Variants in MPP7 observed in about 807,000 individuals in gnomAD.
The protein encoded by MPP7 is MAGUK p55 scaffold protein 7.
Under a neutral mutation model 76.5 loss-of-function variants are expected in MPP7, and 60 were observed. The observed-to-expected ratio is 0.78, with a 90% CI of 0.64 to 0.97. The LOEUF is 0.97. MPP7 is among the 50% of genes least tolerant of loss of function. MPP7 has a pLI of 0.00. For synonymous variants in MPP7, 237 were observed against 244.5 expected, an observed-to-expected ratio of 0.97 and a Z score of 0.29; for missense variants, 641 against 694.0, an observed-to-expected ratio of 0.92 and a Z score of 0.86.
intron 13 of MPP7, among the ~76,000 whole-genome samples, chr10:28,066,142 G>A (rs1851980292): frequency 6.6e-6 from 1 of 152,060 alleles, no homozygotes; most frequent in Admixed American, 6.6e-5. Flanking sequence ...TGAGGCAGGA[G>A]GATCATCTGA....
intron 6 of MPP7, among the ~76,000 whole-genome samples, chr10:28,130,965 T>G (rs1056342978): frequency 3.6e-4 from 55 of 152,282 alleles, no homozygotes; most frequent in Non-Finnish European, 5.9e-4. Context: ...AGCTAACAAA[T>G]AATTTTGGAA....
intron 3 of MPP7, among the ~76,000 whole-genome samples, chr10:28,193,159 G>C (rs534739280): frequency 6.6e-6 from 1 of 151,838 alleles, no homozygotes; most frequent in Admixed American, 6.6e-5. Context: ...GAATATCTAA[G>C]TGACCTTGAG....
rs188429401 is a variant in MPP7 at position 28,229,284 on chromosome 10, T to C, written c.37+9284A>G. ...AAAGAGAGACTCTGACAACTGACTT[T>C]TAAATAGCCACTTTGAATATATAAT... On this transcript the variant is annotated intron_variant, in intron 2 of 16. Transcript: ENST00000683449. 1.7e-3 allele frequency among the ~76,000 whole-genome samples: 261 copies of C among 152,332 alleles called. 1 individual carries two copies. Among genetic ancestry groups the C allele is most frequent in the Non-Finnish European group, 2.7e-3 (187 of 68,034 alleles).
chr10:28,069,574 A>G (rs909532920), intron 13 of MPP7, among the ~76,000 whole-genome samples, 198 bp downstream of exon 13: 5 of 151,454 alleles, frequency 3.3e-5, no homozygotes, highest in African/African-American at 1.2e-4. Flanking sequence ...ACTGCACTCC[A>G]GCCTGGCAAC....
intron 2 of MPP7, among the ~76,000 whole-genome samples, chr10:28,212,245 G>A (rs967035819): frequency 6.6e-6 from 1 of 152,226 alleles, no homozygotes; most frequent in African/African-American, 2.4e-5. Flanking sequence ...AGGGCAGAAG[G>A]TGAGGGTGGC....
intron 3 of MPP7, among the ~76,000 whole-genome samples, chr10:28,198,196 C>T (rs1588912296): frequency 1.3e-5 from 2 of 152,258 alleles, no homozygotes; most frequent in African/African-American, 2.4e-5. Context: ...AAGGTACTAA[C>T]AATTCCATAT....
At chr10:28,329,698 C>A (rs539257180) in intron 2 of MPP7, among the ~76,000 whole-genome samples, 2 of 149,314 alleles carry the variant, frequency 1.3e-5, no homozygotes, top group Non-Finnish European at 3.0e-5. Flanking sequence ...AGCTGAGAAA[C>A]TTTCCTTAAT....
chr10:28,288,493 G>A (rs1840837515), intron 1 of MPP7, among the ~76,000 whole-genome samples: 1 of 151,994 alleles, frequency 6.6e-6, no homozygotes, highest in Non-Finnish European at 1.5e-5. Context: ...GTCCCACCTC[G>A]GCCTCCCAAA....
intron 3 of MPP7, among the ~76,000 whole-genome samples, chr10:28,166,313 T>C (rs1392178497): frequency 2.6e-5 from 4 of 151,908 alleles, no homozygotes; most frequent in Non-Finnish European, 4.4e-5. Flanking sequence ...ACAAATATTT[T>C]ACATCTAACC....
intron 3 of MPP7, among the ~76,000 whole-genome samples, chr10:28,195,209 C>A (rs1260824654): frequency 6.6e-6 from 1 of 152,098 alleles, no homozygotes; most frequent in Admixed American, 6.5e-5. Flanking sequence ...TTCATACCCA[C>A]CAGGACAGTA....
Position 28,089,683 on chromosome 10 carries a change from C to G in MPP7, c.1111G>C (p.Val371Leu). The change falls in exon 12 of 17, where the codon GTT becomes CTT. Residue 371 changes from valine to leucine, a missense_variant. Transcript: ENST00000683449. ...RRQTNEKYRL[V>L]VLVGPVGVGL... ...AACAAGCACTTACCAACCAAGACAA[C>G]GAGTCTGTATTTTTCATTAGTTTGT... 6.2e-7 allele frequency: 1 copy of G among 1,611,806 alleles called. No individual in the cohort carries two copies. Among genetic ancestry groups the G allele is most frequent in the Non-Finnish European group, 8.5e-7 (1 of 1,179,164 alleles).
intron 5 of MPP7, among the ~76,000 whole-genome samples, chr10:28,142,646 G>A (rs566960853): frequency 3.3e-5 from 5 of 152,162 alleles, no homozygotes; most frequent in African/African-American, 4.8e-5. Flanking sequence ...CAGGAGAATC[G>A]CTTAAACTTG....
chr10:28,177,994 A>G (rs1836932755), intron 3 of MPP7, among the ~76,000 whole-genome samples: 1 of 152,186 alleles, frequency 6.6e-6, no homozygotes, highest in East Asian at 1.9e-4. Flanking sequence ...CCATGGAGAA[A>G]AATGGCTCTT....
intron 3 of MPP7, among the ~76,000 whole-genome samples, chr10:28,168,006 G>A (rs1350135157): frequency 6.6e-6 from 1 of 152,214 alleles, no homozygotes; most frequent in Non-Finnish European, 1.5e-5. Context: ...GGAGGCCAAG[G>A]TGGGCAGATC....
Position 28,214,803 on chromosome 10 carries a change from C to A in MPP7, c.38-12532G>T, listed in dbSNP as rs1838255030. ...TTTCCCAGAAAGACCCCCTTCTTGCCTGGGGACCAGTCCACCTTGCAGTAC... is the reference window on the plus strand; with the variant it reads ...TTTCCCAGAAAGACCCCCTTCTTGCATGGGGACCAGTCCACCTTGCAGTAC... On this transcript the variant is annotated intron_variant, in intron 2 of 16. Coordinates refer to ENST00000683449, the MANE Select transcript of MPP7 (RefSeq NM_001318170.2). Among the ~76,000 whole-genome samples the A allele has an allele frequency of 2.0e-5, 3 of 152,138 alleles. 1 individual carries two copies. The South Asian group carries it at 6.2e-4, about 32-fold the overall frequency.
intron 3 of MPP7, among the ~76,000 whole-genome samples, chr10:28,184,946 AATAAT>A (rs1391264048): frequency 4.3e-4 from 64 of 147,330 alleles, no homozygotes; most frequent in African/African-American, 1.1e-3. Flanking sequence ...ATCATAATGT[AATAAT>A]ATAATATATT....
chr10:28,197,780 T>C (rs547794108), intron 3 of MPP7, among the ~76,000 whole-genome samples: 23 of 152,236 alleles, frequency 1.5e-4, no homozygotes, highest in African/African-American at 4.3e-4. Flanking sequence ...AATCAGTCCA[T>C]CAAAACTCAA....
intron 2 of MPP7, among the ~76,000 whole-genome samples, chr10:28,205,346 T>C (rs925609112): frequency 1.3e-5 from 2 of 152,208 alleles, no homozygotes; most frequent in Admixed American, 1.3e-4. Flanking sequence ...AATACTCCTA[T>C]ACTCAGTTCC....
At chr10:28,301,165 C>T (rs1469496650) in intron 1 of MPP7, among the ~76,000 whole-genome samples, 2 of 152,066 alleles carry the variant, frequency 1.3e-5, no homozygotes, top group East Asian at 1.9e-4. Context: ...TTCTTCAATC[C>T]GTCTATAAAT....
Sources: gnomAD v4.1 joint callset for allele counts (sites outside exome capture counted in the v4.1 genomes callset) on GRCh38, gnomAD v4.1.1 for gene constraint, MANE v1.5 for transcripts, NCBI Gene and HGNC (gene_info 2026-07-23, HGNC 2026-07-21) for gene names.